Variants in PDE8B observed in about 807,000 individuals in gnomAD.
PDE8B encodes high affinity cAMP-specific and IBMX-insensitive 3',5'-cyclic phosphodiesterase 8B.
PDE8B carries 26 observed loss-of-function variants against 101.3 expected under a neutral mutation model. The observed-to-expected ratio is 0.26, with a 90% CI of 0.19 to 0.36. The LOEUF (loss-of-function observed/expected upper bound fraction) is 0.36, where lower values mean the gene tolerates loss of function less well. Ranked by LOEUF, PDE8B falls within the 10% of genes least tolerant of loss-of-function variation. The probability of loss-of-function intolerance (pLI) is 1.00; values close to 1 mark genes in which losing one functional copy is unlikely to be tolerated. For synonymous variants in PDE8B, 424 were observed against 429.3 expected, an observed-to-expected ratio of 0.99 and a Z score of 0.15; for missense variants, 810 against 1,163.1, an observed-to-expected ratio of 0.70 and a Z score of 4.42.
At chr5:77,183,964 A>G in the PDE8B span, among the ~76,000 whole-genome samples, 1 of 144,040 alleles carries the variant, frequency 6.9e-6, no homozygotes, top group East Asian at 2.6e-4. Flanking sequence ...CTATTTAAAT[A>G]CATACTTTTT....
At chr5:77,171,342 T>C in the PDE8B span, among the ~76,000 whole-genome samples, 8 of 152,190 alleles carry the variant, frequency 5.3e-5, no homozygotes, top group African/African-American at 4.8e-5. Context: ...TCTCACAGCA[T>C]AGTTTGAACT....
intron 1 of PDE8B, among the ~76,000 whole-genome samples, chr5:77,273,116 A>G (rs978319436): frequency 6.6e-6 from 1 of 152,182 alleles, no homozygotes; most frequent in Non-Finnish European, 1.5e-5. Context: ...CAAATTTATG[A>G]TGTGGCAGAC....
At chr5:77,223,742 G>A (rs1326000533) in intron 1 of PDE8B, among the ~76,000 whole-genome samples, 5 of 152,110 alleles carry the variant, frequency 3.3e-5, no homozygotes, top group African/African-American at 1.2e-4. Flanking sequence ...TTTCCTCTTA[G>A]ATTCCACAGG....
At chr5:77,201,090 G>A in the PDE8B span, among the ~76,000 whole-genome samples, 182 of 152,282 alleles carry the variant, frequency 1.2e-3, no homozygotes, top group African/African-American at 4.1e-3. Context: ...CTGCAGCCTC[G>A]AGGCACCTTA....
intron 5 of PDE8B, among the ~76,000 whole-genome samples, chr5:77,332,797 A>G (rs926681054): frequency 1.5e-4 from 22 of 150,976 alleles, no homozygotes; most frequent in Admixed American, 6.7e-5. Context: ...AGATTGCAAC[A>G]TTGCACTCCA....
intron 17 of PDE8B, among the ~76,000 whole-genome samples, chr5:77,417,539 A>T (rs546354032): frequency 6.6e-6 from 1 of 152,320 alleles, no homozygotes; most frequent in African/African-American, 2.4e-5. Context: ...CCCATCTGAT[A>T]ACTCCTAAAG....
At chr5:77,195,417 G>A in the PDE8B span, among the ~76,000 whole-genome samples, 1 of 151,962 alleles carries the variant, frequency 6.6e-6, no homozygotes, top group Non-Finnish European at 1.5e-5. Flanking sequence ...CAACAGCAAT[G>A]TTTAAGGGTT....
At chr5:77,307,863 C>A (rs911479626) in intron 1 of PDE8B, among the ~76,000 whole-genome samples, 1 of 152,186 alleles carries the variant, frequency 6.6e-6, no homozygotes, top group South Asian at 2.1e-4. Flanking sequence ...TATGCCCCCA[C>A]CCCTGCATTT....
intron 4 of PDE8B, among the ~76,000 whole-genome samples, chr5:77,330,423 G>A (rs1438552162): frequency 6.6e-6 from 1 of 152,188 alleles, no homozygotes; most frequent in African/African-American, 2.4e-5. Context: ...AGAGAGAGTA[G>A]TAATAAAATG....
At chr5:77,290,863 G>A (rs1405236038) in intron 1 of PDE8B, 1 of 1,571,578 alleles carries the variant, frequency 6.4e-7, no homozygotes, top group Non-Finnish European at 8.8e-7. Context: ...TCCCTCATTA[G>A]TGTGGCTGTC....
intron 10 of PDE8B, among the ~76,000 whole-genome samples, chr5:77,377,325 C>T (rs1427938202): frequency 6.6e-6 from 1 of 152,194 alleles, no homozygotes; most frequent in Non-Finnish European, 1.5e-5. Flanking sequence ...TCGTGCTTCT[C>T]AAAGGATGGC....
Position 77,246,403 on chromosome 5 carries a change from A to G in PDE8B, c.339+35139A>G, listed in dbSNP as rs143101161. 1.9e-4 allele frequency among the ~76,000 whole-genome samples: 29 copies of G among 152,302 alleles called. 1 individual carries two copies. In the East Asian group the frequency reaches 4.4e-3, roughly 23 times the overall value. ...AACAAGGGCAGAGCCTGACTTATGT[A>G]CAATTTATTGCAGGGTTCTGAAACT... On this transcript the variant is annotated intron_variant, in intron 1 of 21. Coordinates refer to ENST00000264917, the MANE Select transcript of PDE8B (RefSeq NM_003719.5).
At chr5:77,135,510 G>T in the PDE8B span, among the ~76,000 whole-genome samples, 1 of 133,512 alleles carries the variant, frequency 7.5e-6, no homozygotes. Context: ...ACGGAGTCTC[G>T]CTGTGGCCCA....
At position 77,331,423 on chromosome 5, in the gene PDE8B, G is replaced by A. The variant is rs138641918; in HGVS notation, c.672G>A (p.Ala224=). The A allele has an allele frequency of 1.0e-3, 1,612 of 1,613,806 alleles. 4 individuals are homozygous for A. The highest frequency in any genetic ancestry group is 2.1e-3 in the Middle Eastern group (13 of 6,060). Reference sequence around the variant, plus strand: ...GCAGATCGGATGACCATGAAGAGGCGTCAGTCCTTCCTCTTCTCCACGCAG... The same window carrying A: ...GCAGATCGGATGACCATGAAGAGGCATCAGTCCTTCCTCTTCTCCACGCAG... ...VSRVSDDHEE[A]SVLPLLHAGF... The change falls in exon 5 of 22, where the codon GCG becomes GCA. Residue 224 remains alanine, a synonymous_variant. Transcript: ENST00000264917.
the PDE8B span, among the ~76,000 whole-genome samples, chr5:77,093,176 T>A: frequency 3.6e-3 from 552 of 152,340 alleles, 3 homozygotes; most frequent in South Asian, 7.0e-3. Context: ...TTTCTTTAAA[T>A]GTTTGGTAGA....
chr5:77,317,529 A>G (rs955184762), intron 2 of PDE8B, among the ~76,000 whole-genome samples: 1 of 152,192 alleles, frequency 6.6e-6, no homozygotes, highest in Non-Finnish European at 1.5e-5. Context: ...GGAAGTGCAG[A>G]GTGGTGCTGT....
intron 10 of PDE8B, among the ~76,000 whole-genome samples, chr5:77,371,664 G>T (rs932137727): frequency 1.3e-5 from 2 of 152,158 alleles, no homozygotes; most frequent in Non-Finnish European, 2.9e-5. Context: ...TGATGCTGTA[G>T]ATCAATTGGA....
At chr5:77,192,966 A>AT in the PDE8B span, among the ~76,000 whole-genome samples, 1 of 152,058 alleles carries the variant, frequency 6.6e-6, no homozygotes, top group South Asian at 2.1e-4. Context: ...ATTACTGACC[A>AT]TTTTTATTTC....
At position 77,225,749 on chromosome 5, in the gene PDE8B, C is replaced by T. The variant is rs1033593111; in HGVS notation, c.339+14485C>T. Reference sequence around the variant, plus strand: ...GGACTACAAGCCTTTTCTTCAACCTCGTCAGTCTTACGTTTCTATTTCCTC... The same window carrying T: ...GGACTACAAGCCTTTTCTTCAACCTTGTCAGTCTTACGTTTCTATTTCCTC... On this transcript the variant is annotated intron_variant, in intron 1 of 21. Coordinates refer to ENST00000264917, the MANE Select transcript of PDE8B (RefSeq NM_003719.5). Among the ~76,000 whole-genome samples, 6 of 152,008 alleles carry T rather than the reference C, an allele frequency of 3.9e-5. 1 individual carries two copies. Among genetic ancestry groups the T allele is most frequent in the South Asian group, 4.1e-4 (2 of 4,824 alleles).
Sources: allele counts gnomAD v4.1 joint callset (sites outside exome capture counted in the v4.1 genomes callset), GRCh38; gene constraint gnomAD v4.1.1; transcripts MANE v1.5; gene names NCBI Gene and HGNC (gene_info 2026-07-23, HGNC 2026-07-21).